Variants in CDH2 observed in about 807,000 individuals in gnomAD.
CDH2 encodes the protein cadherin 2, also known as cadherin-2.
In CDH2, 17 loss-of-function variants were observed where a neutral mutation model predicts 92.0. That is an observed-to-expected ratio of 0.18 (90% CI 0.13 to 0.28). The LOEUF is 0.28. Among genes scored for constraint, CDH2 ranks in the 10% least tolerant of loss-of-function variants. The pLI is 1.00. For synonymous variants in CDH2, 419 were observed against 415.9 expected, an observed-to-expected ratio of 1.01 and a Z score of -0.09; for missense variants, 862 against 1,133.1, an observed-to-expected ratio of 0.76 and a Z score of 3.44.
chr18:28,102,112 A>C (rs1390670887), intron 2 of CDH2, among the ~76,000 whole-genome samples: 1 of 152,146 alleles, frequency 6.6e-6, no homozygotes, highest in East Asian at 1.9e-4. Context: ...TCTCCTAGAA[A>C]TTTGCCTGTG....
chr18:28,152,236 C>A (rs1332802615), intron 1 of CDH2, among the ~76,000 whole-genome samples: 2 of 152,128 alleles, frequency 1.3e-5, no homozygotes, highest in African/African-American at 4.8e-5. Context: ...GTGAAATACC[C>A]AAGACCTCAC....
intron 11 of CDH2, among the ~76,000 whole-genome samples, chr18:27,986,013 T>C (rs1214400741): frequency 2.0e-5 from 3 of 152,136 alleles, no homozygotes; most frequent in Non-Finnish European, 4.4e-5. Flanking sequence ...GCCCCTGTGA[T>C]GGAATCCCGT....
At chr18:28,044,191 G>T (rs1017827790) in intron 2 of CDH2, among the ~76,000 whole-genome samples, 23 of 152,130 alleles carry the variant, frequency 1.5e-4, no homozygotes, top group Non-Finnish European at 2.9e-5. Flanking sequence ...AGGATTACAG[G>T]CATGGGCCAC....
intron 2 of CDH2, among the ~76,000 whole-genome samples, chr18:28,137,460 A>C (rs923599762): frequency 3.3e-5 from 5 of 152,168 alleles, no homozygotes; most frequent in African/African-American, 4.8e-5. Context: ...TTCTCCTTAT[A>C]AGTGAGCAAA....
At chr18:28,163,606 C>A (rs17495307) in intron 1 of CDH2, among the ~76,000 whole-genome samples, 1 of 152,230 alleles carries the variant, frequency 6.6e-6, no homozygotes, top group African/African-American at 2.4e-5. Context: ...AAACCACACA[C>A]GCAAGTCCAT....
intron 2 of CDH2, among the ~76,000 whole-genome samples, chr18:28,143,561 T>G (rs2015987605): frequency 6.6e-6 from 1 of 151,824 alleles, no homozygotes; most frequent in Non-Finnish European, 1.5e-5. Flanking sequence ...TATTCCCCAA[T>G]TCGCAAACAT....
At chr18:28,041,558 G>A (rs1321399870) in intron 2 of CDH2, among the ~76,000 whole-genome samples, 1 of 152,120 alleles carries the variant, frequency 6.6e-6, no homozygotes, top group African/African-American at 2.4e-5. Context: ...ATGACAACAG[G>A]AAAAAATGCC....
intron 2 of CDH2, among the ~76,000 whole-genome samples, chr18:28,076,832 A>G (rs554417072): frequency 2.0e-5 from 3 of 152,116 alleles, no homozygotes; most frequent in African/African-American, 4.8e-5. Context: ...GTGTGGATTA[A>G]TTTATCAGAT....
intron 2 of CDH2, among the ~76,000 whole-genome samples, chr18:28,131,219 A>G (rs1417003731): frequency 6.6e-6 from 1 of 152,244 alleles, no homozygotes. Flanking sequence ...ATTTAGAATT[A>G]TATCATCTTG....
chr18:28,020,360 A>C (rs1310601994), intron 2 of CDH2, among the ~76,000 whole-genome samples: 1 of 152,038 alleles, frequency 6.6e-6, no homozygotes, highest in Non-Finnish European at 1.5e-5. Flanking sequence ...TTAAGGCTTA[A>C]AAATAAAAAT....
At chr18:28,087,504 C>A (rs964803773) in intron 2 of CDH2, among the ~76,000 whole-genome samples, 1 of 152,088 alleles carries the variant, frequency 6.6e-6, no homozygotes, top group East Asian at 1.9e-4. Context: ...GGCATCGTGC[C>A]GTCCTGAAAT....
At chr18:27,941,137 G>A (rs1352746891) in intron 6 of CDH2, among the ~76,000 whole-genome samples, 7 of 149,032 alleles carry the variant, frequency 4.7e-5, no homozygotes, top group Non-Finnish European at 7.4e-5. Context: ...CCGGGTTCAC[G>A]CCATTCTCCT....
chr18:28,132,993 A>T (rs1465772366), intron 2 of CDH2, among the ~76,000 whole-genome samples: 1 of 152,164 alleles, frequency 6.6e-6, no homozygotes, highest in Non-Finnish European at 1.5e-5. Context: ...CTCCCATGTC[A>T]AACCAATCTC....
At chr18:27,958,445 C>T (rs905350765) in intron 15 of CDH2, among the ~76,000 whole-genome samples, 2 of 151,322 alleles carry the variant, frequency 1.3e-5, no homozygotes, top group African/African-American at 4.9e-5. Context: ...TACATATATA[C>T]ACACATAATA....
chr18:28,127,513 G>A (rs1568008711), intron 2 of CDH2, among the ~76,000 whole-genome samples: 1 of 142,014 alleles, frequency 7.0e-6, no homozygotes, highest in African/African-American at 2.5e-5. Flanking sequence ...AATTTTCCTA[G>A]GCAAAAATAC....
intron 1 of CDH2, among the ~76,000 whole-genome samples, chr18:28,175,367 AAAG>A (rs1192626316): frequency 1.3e-5 from 2 of 152,206 alleles, no homozygotes; most frequent in African/African-American, 2.4e-5. Context: ...CTAAAGAACA[AAAG>A]AAGAAATCCA....
At chr18:28,175,084 C>T (rs2016517637) in intron 1 of CDH2, among the ~76,000 whole-genome samples, 1 of 151,882 alleles carries the variant, frequency 6.6e-6, no homozygotes, top group South Asian at 2.1e-4. Flanking sequence ...CTTTAATAAA[C>T]CCCATTTTTA....
chr18:27,996,131 G>A (rs146024714), intron 7 of CDH2, among the ~76,000 whole-genome samples: 29 of 152,000 alleles, frequency 1.9e-4, no homozygotes, highest in African/African-American at 4.1e-4. Flanking sequence ...TTCCCTCTCC[G>A]AAACTCGCCT....
rs200987144 is a variant in CDH2, at chr18:27,990,155, T to A, written c.1540A>T (p.Thr514Ser). ...TGAGCAGTGAATGTTGTCAACATGG[T>A]ACCGGCATGAAGCCCTTCTTCTTGG... ...IRQEEGLHAGTMLTTFTAQDP... is the reference protein window; with the variant it reads ...IRQEEGLHAGSMLTTFTAQDP... Residue 514 changes from threonine (T) to serine (S), a missense_variant, in exon 10 of 16, where the codon ACC becomes TCC. Thr to Ser is a moderately conservative substitution (Grantham distance 58, BLOSUM62 1). Transcript: ENST00000269141. The A allele has an allele frequency of 1.2e-6, 2 of 1,613,936 alleles. No individual in the cohort carries two copies. Among genetic ancestry groups the A allele is most frequent in the Non-Finnish European group, 1.7e-6 (2 of 1,179,902 alleles).
Sources: allele counts gnomAD v4.1 joint callset (sites outside exome capture counted in the v4.1 genomes callset), GRCh38; gene constraint gnomAD v4.1.1; transcripts MANE v1.5; gene names NCBI Gene and HGNC (gene_info 2026-07-23, HGNC 2026-07-21).